The following SLC45A2 variants were observed in gnomAD, a reference collection of about 807,000 sequenced individuals.
SLC45A2 encodes the protein membrane-associated transporter protein.
A neutral mutation model predicts 45.5 loss-of-function variants in SLC45A2; 36 were observed. The observed-to-expected ratio is 0.79, with a 90% CI of 0.61 to 1.04. The LOEUF is 1.04. Among genes scored for constraint, SLC45A2 ranks in the 50% least tolerant of loss-of-function variants. The pLI is 0.00. For synonymous variants in SLC45A2, 306 were observed against 269.3 expected (o/e 1.14, Z -1.33); for missense variants, 719 against 671.0 (o/e 1.07, Z -0.79).
At chr5:33,952,677 T>G (rs1038749863) in intron 4 of SLC45A2, among the ~76,000 whole-genome samples, 3 of 85,650 alleles carry the variant, frequency 3.5e-5, no homozygotes, top group Non-Finnish European at 5.5e-5. Context: ...AGCAAAAGTT[T>G]TTTTTTTTTT....
At position 33,947,351 on chromosome 5, in the gene SLC45A2, A is replaced by T. The variant is rs1751966499; in HGVS notation, c.1180T>A (p.Tyr394Asn). The change falls in exon 6 of 7, where the codon TAC becomes AAC. Residue 394 changes from tyrosine to asparagine, a missense_variant. Tyr to Asn is a moderately radical substitution (Grantham distance 143). Coordinates refer to ENST00000296589, the MANE Select transcript of SLC45A2 (RefSeq NM_016180.5). ...AAGTAAAGACCCTTTAATCCAATGT[A>T]GGATACCAAAACTTTCTGAAAGTCT... is the stretch of plus-strand genomic sequence containing the variant. ...YSYFQKVLVS[Y>N]IGLKGLYFTG... 1 of 1,614,242 alleles carries T rather than the reference A, an allele frequency of 6.2e-7. No individual in the cohort carries two copies. Among genetic ancestry groups the T allele is most frequent in the Non-Finnish European group, 8.5e-7 (1 of 1,180,044 alleles).
chr5:33,946,951 G>C, intron 6 of SLC45A2: 1 of 1,476,440 alleles, frequency 6.8e-7, no homozygotes, highest in Non-Finnish European at 8.9e-7. Context: ...AAGTGAGCAG[G>C]AGTTGAGAAT....
At chr5:33,972,248 T>C in intron 2 of SLC45A2, 1 of 515,832 alleles carries the variant, frequency 1.9e-6, no homozygotes, top group Non-Finnish European at 4.0e-6. Flanking sequence ...TTTAATGGAG[T>C]TACTGAATCA....
In SLC45A2 at chr5:33,982,393, C is replaced by T; in HGVS notation, c.405G>A (p.Arg135=). 1.9e-6 allele frequency: 3 copies of T among 1,614,112 alleles called. No homozygotes were observed. Among genetic ancestry groups the T allele is most frequent in the Non-Finnish European group, 2.5e-6 (3 of 1,180,000 alleles). ...CACTTATGGCCCAAACCAGCTTCCTCCTTGGGTTAGCAATCAAAGCTAAAA... is the reference window on the plus strand; with the variant it reads ...CACTTATGGCCCAAACCAGCTTCCTTCTTGGGTTAGCAATCAAAGCTAAAA... ...TVVAALIANP[R]RKLVWAISVT... Residue 135 remains arginine, a synonymous_variant, in exon 2 of 7, where the codon AGG becomes AGA. Transcript: ENST00000296589.
At chr5:33,978,301 A>G (rs748931285) in intron 2 of SLC45A2, among the ~76,000 whole-genome samples, 1 of 152,132 alleles carries the variant, frequency 6.6e-6, no homozygotes, top group Non-Finnish European at 1.5e-5. Flanking sequence ...CAGATAACAG[A>G]CCCTGAAGAA....
chr5:33,950,774 C>G (rs1048168855), intron 5 of SLC45A2, among the ~76,000 whole-genome samples: 8 of 152,242 alleles, frequency 5.3e-5, no homozygotes, highest in African/African-American at 1.9e-4. Flanking sequence ...GTTATTCTTA[C>G]AATCTTGCAG....
intron 1 of SLC45A2, among the ~76,000 whole-genome samples, chr5:33,983,786 T>C (rs1211480581): frequency 1.3e-5 from 2 of 152,214 alleles, no homozygotes; most frequent in Non-Finnish European, 2.9e-5. Context: ...AATTAACTTA[T>C]TTGGATACAC....
intron 1 of SLC45A2, among the ~76,000 whole-genome samples, 170 bp from the exon 2 acceptor site, chr5:33,982,582 C>T (rs1213273430): frequency 2.6e-5 from 4 of 151,734 alleles, no homozygotes; most frequent in South Asian, 4.2e-4. Context: ...ATTATGCAAG[C>T]GAATGTCCAG....
chr5:33,951,342 A>C (rs1181483315), intron 5 of SLC45A2: 27 of 1,325,146 alleles, frequency 2.0e-5, no homozygotes, highest in Non-Finnish European at 2.7e-5. Context: ...TCCAAGAGCA[A>C]AGTAATCAGT....
intron 4 of SLC45A2, among the ~76,000 whole-genome samples, chr5:33,953,594 G>A (rs1450330314): frequency 3.4e-5 from 5 of 148,686 alleles, no homozygotes; most frequent in East Asian, 4.0e-4. Context: ...GGTACCAGCC[G>A]CTGCAAAATC....
chr5:33,955,647 A>T (rs1446628936), intron 3 of SLC45A2, among the ~76,000 whole-genome samples: 1 of 152,020 alleles, frequency 6.6e-6, no homozygotes, highest in Non-Finnish European at 1.5e-5. Context: ...GTTTATACAC[A>T]CACACACACA....
chr5:33,979,593 T>G (rs896995032), intron 2 of SLC45A2, among the ~76,000 whole-genome samples: 1 of 152,170 alleles, frequency 6.6e-6, no homozygotes, highest in African/African-American at 2.4e-5. Context: ...ATCAAATAAA[T>G]GTATATTGGG....
intron 2 of SLC45A2, among the ~76,000 whole-genome samples, chr5:33,967,851 G>A (rs572654496): frequency 6.6e-6 from 1 of 150,956 alleles, no homozygotes; most frequent in African/African-American, 2.4e-5. Flanking sequence ...GAACCTGGGG[G>A]AAACTCTTCT....
chr5:33,970,046 G>C (rs1161020259), intron 2 of SLC45A2, among the ~76,000 whole-genome samples: 1 of 152,136 alleles, frequency 6.6e-6, no homozygotes, highest in Admixed American at 6.5e-5. Flanking sequence ...TGGTGACCAG[G>C]GAGCACAGGG....
At chr5:33,954,240 T>C (rs1752201932) in intron 4 of SLC45A2, 121 bp downstream of exon 4, 7 of 1,401,622 alleles carry the variant, frequency 5.0e-6, no homozygotes, top group Non-Finnish European at 7.0e-6. Flanking sequence ...AGCTTCTTGA[T>C]GGTACCCTTT....
chr5:33,979,986 G>A (rs1579560923), intron 2 of SLC45A2, among the ~76,000 whole-genome samples: 1 of 152,152 alleles, frequency 6.6e-6, no homozygotes, highest in South Asian at 2.1e-4. Context: ...TAATACAATT[G>A]TAAGCTGGGA....
intron 3 of SLC45A2, among the ~76,000 whole-genome samples, chr5:33,959,770 C>CGTT (rs1752391285): frequency 6.6e-6 from 1 of 152,142 alleles, no homozygotes; most frequent in Non-Finnish European, 1.5e-5. Context: ...CATACTCAAC[C>CGTT]ATTTTGCCAA....
At chr5:33,962,692 G>A (rs917688605) in intron 3 of SLC45A2, among the ~76,000 whole-genome samples, 2 of 152,240 alleles carry the variant, frequency 1.3e-5, no homozygotes, top group Non-Finnish European at 2.9e-5. Context: ...TAACACAAAT[G>A]TAAATGCCCA....
At chr5:33,975,825 G>A (rs1210626439) in intron 2 of SLC45A2, among the ~76,000 whole-genome samples, 1 of 152,152 alleles carries the variant, frequency 6.6e-6, no homozygotes, top group Non-Finnish European at 1.5e-5. Flanking sequence ...GGAGAGGGGA[G>A]GTTTCTAGGG....
Sources: allele counts gnomAD v4.1 joint callset (sites outside exome capture counted in the v4.1 genomes callset), GRCh38; gene constraint gnomAD v4.1.1; transcripts MANE v1.5; gene names NCBI Gene and HGNC (gene_info 2026-07-23, HGNC 2026-07-21).